AFG2A: variants seen among roughly 807,000 people sequenced by gnomAD.
AFG2A encodes the protein ATPase family gene 2 protein homolog A.
At chr4:123,035,406 A>G in the AFG2A span, among the ~76,000 whole-genome samples, 9 of 152,194 alleles carry the variant, frequency 5.9e-5, no homozygotes, top group African/African-American at 1.9e-4. Context: ...ACTTCAGCAA[A>G]TAGTGTTGTA....
chr4:123,022,194 A>C, the AFG2A span, among the ~76,000 whole-genome samples: 1 of 151,942 alleles, frequency 6.6e-6, no homozygotes. Context: ...AATGGGATCT[A>C]ATTAAACTAA....
chr4:123,275,848 T>G, the AFG2A span, among the ~76,000 whole-genome samples: 1 of 152,234 alleles, frequency 6.6e-6, no homozygotes, highest in African/African-American at 2.4e-5. Context: ...CTGCGTAGTA[T>G]TCCATGGTAT....
At chr4:123,166,175 G>A in the AFG2A span, among the ~76,000 whole-genome samples, 1 of 152,158 alleles carries the variant, frequency 6.6e-6, no homozygotes, top group Non-Finnish European at 1.5e-5. Context: ...GTTGACAAAG[G>A]AGATTAACAT....
At chr4:123,280,240 A>G in the AFG2A span, among the ~76,000 whole-genome samples, 1 of 152,206 alleles carries the variant, frequency 6.6e-6, no homozygotes, top group South Asian at 2.1e-4. Flanking sequence ...TAATACTTTC[A>G]TAGGCATTAT....
chr4:123,146,650 A>G, the AFG2A span, among the ~76,000 whole-genome samples: 7 of 152,334 alleles, frequency 4.6e-5, no homozygotes, highest in African/African-American at 1.4e-4. Context: ...CTTCAGTACC[A>G]AACGAAACAA....
chr4:123,305,388 ACT>A, the AFG2A span, among the ~76,000 whole-genome samples: 4 of 151,952 alleles, frequency 2.6e-5, no homozygotes, highest in African/African-American at 9.7e-5. Flanking sequence ...CCTGTGTGCC[ACT>A]CTCATGGGTA....
the AFG2A span, among the ~76,000 whole-genome samples, chr4:123,126,647 A>G: frequency 6.6e-6 from 1 of 152,188 alleles, no homozygotes; most frequent in African/African-American, 2.4e-5. Flanking sequence ...TGAAGGTTTT[A>G]TAAGGGGCTT....
the AFG2A span, among the ~76,000 whole-genome samples, chr4:123,124,390 A>C: frequency 6.6e-6 from 1 of 152,348 alleles, no homozygotes; most frequent in South Asian, 2.1e-4. Flanking sequence ...TTGCAAGGAC[A>C]AAAAACCAAA....
At chr4:122,934,305 A>T in the AFG2A span, 1 of 1,614,218 alleles carries the variant, frequency 6.2e-7, no homozygotes, top group Non-Finnish European at 8.5e-7. Context: ...TAAGCCAGTT[A>T]GATCTGGAGG....
chr4:123,124,858 A>C, the AFG2A span, among the ~76,000 whole-genome samples: 3 of 152,212 alleles, frequency 2.0e-5, no homozygotes, highest in Non-Finnish European at 4.4e-5. Flanking sequence ...TTCGAGTATT[A>C]TACTTCTTTT....
chr4:123,094,831 T>G, the AFG2A span, among the ~76,000 whole-genome samples: 36 of 151,664 alleles, frequency 2.4e-4, no homozygotes, highest in Non-Finnish European at 1.5e-5. Context: ...ACAGCCAGCT[T>G]AATCACACAC....
the AFG2A span, among the ~76,000 whole-genome samples, chr4:123,142,758 A>G: frequency 6.6e-6 from 1 of 152,236 alleles, no homozygotes; most frequent in East Asian, 1.9e-4. Flanking sequence ...TTGCATAACT[A>G]CTTGCTTTTC....
the AFG2A span, among the ~76,000 whole-genome samples, chr4:123,248,469 C>T: frequency 4.8e-4 from 73 of 152,288 alleles, no homozygotes; most frequent in Middle Eastern, 0.01. Flanking sequence ...GATACAGCAA[C>T]ATTTTCAAAA....
the AFG2A span, among the ~76,000 whole-genome samples, chr4:122,984,647 GT>G: frequency 6.6e-6 from 1 of 152,174 alleles, no homozygotes. Context: ...TTTGCTGACA[GT>G]TTTAATCATA....
chr4:123,278,123 T>C, the AFG2A span, among the ~76,000 whole-genome samples: 2 of 152,160 alleles, frequency 1.3e-5, no homozygotes, highest in African/African-American at 4.8e-5. Context: ...GCTTTTTTAT[T>C]ACTGCTTCAG....
the AFG2A span, chr4:123,319,202 C>A: frequency 6.6e-6 from 1 of 151,964 alleles, no homozygotes; most frequent in African/African-American, 2.4e-5. Context: ...TTTATAGAAC[C>A]AAACTTGAAC....
At chr4:123,304,504 A>G in the AFG2A span, among the ~76,000 whole-genome samples, 1 of 152,212 alleles carries the variant, frequency 6.6e-6, no homozygotes, top group Non-Finnish European at 1.5e-5. Flanking sequence ...ACACAATGTC[A>G]GCGCCTGGGC....
At chr4:123,082,053 T>C in the AFG2A span, among the ~76,000 whole-genome samples, 6 of 152,316 alleles carry the variant, frequency 3.9e-5, no homozygotes, top group Admixed American at 2.0e-4. Flanking sequence ...GTGTCTTTCG[T>C]AGACACTTTC....
chr4:122,956,059 T>C, the AFG2A span, among the ~76,000 whole-genome samples: 13 of 152,226 alleles, frequency 8.5e-5, no homozygotes, highest in African/African-American at 2.4e-5. Context: ...ACTTTTTGAC[T>C]TTCTAATACA....
Sources: gnomAD v4.1 joint callset for allele counts (sites outside exome capture counted in the v4.1 genomes callset) on GRCh38, gnomAD v4.1.1 for gene constraint, MANE v1.5 for transcripts, NCBI Gene and HGNC (gene_info 2026-07-23, HGNC 2026-07-21) for gene names.